GRIN2A: variants seen among roughly 807,000 people sequenced by gnomAD.
GRIN2A encodes glutamate ionotropic receptor NMDA type subunit 2A.
GRIN2A carries 22 observed loss-of-function variants against 113.4 expected under a neutral mutation model. That is an observed-to-expected ratio of 0.19 (90% CI 0.14 to 0.28). GRIN2A has a LOEUF of 0.28. Among genes scored for constraint, GRIN2A ranks in the 10% least tolerant of loss-of-function variants. The pLI is 1.00. For synonymous variants in GRIN2A, 827 were observed against 738.4 expected, an observed-to-expected ratio of 1.12 and a Z score of -1.94; for missense variants, 1,502 against 1,887.0, an observed-to-expected ratio of 0.80 and a Z score of 3.78.
At chr16:9,949,347 A>C (rs554188281) in intron 2 of GRIN2A, among the ~76,000 whole-genome samples, 1 of 151,298 alleles carries the variant, frequency 6.6e-6, no homozygotes, top group South Asian at 2.1e-4. Context: ...ACGGATGAAT[A>C]GATTGGATGG....
At chr16:9,981,592 A>T (rs546470273) in intron 2 of GRIN2A, among the ~76,000 whole-genome samples, 2 of 152,166 alleles carry the variant, frequency 1.3e-5, no homozygotes, top group Non-Finnish European at 2.9e-5. Context: ...TTCAGTATAC[A>T]TCTCTAAAAG....
intron 2 of GRIN2A, among the ~76,000 whole-genome samples, chr16:9,967,820 T>C (rs2045585935): frequency 6.6e-6 from 1 of 151,902 alleles, no homozygotes; most frequent in Non-Finnish European, 1.5e-5. Flanking sequence ...TGCACCAAAA[T>C]CTCAGAAATG....
chr16:9,918,577 A>G (rs1415993245), intron 3 of GRIN2A, among the ~76,000 whole-genome samples: 1 of 152,242 alleles, frequency 6.6e-6, no homozygotes, highest in Non-Finnish European at 1.5e-5. Context: ...GGTTCGAGTC[A>G]TTCAAAAGCG....
intron 4 of GRIN2A, among the ~76,000 whole-genome samples, chr16:9,866,689 T>C (rs1229911600): frequency 6.6e-6 from 1 of 152,224 alleles, no homozygotes; most frequent in Non-Finnish European, 1.5e-5. Flanking sequence ...TTGCAAGTAA[T>C]TGATGTCATT....
Position 10,017,827 on chromosome 16 carries a change from A to G in GRIN2A, c.415-79276T>C, listed in dbSNP as rs559389772. 5.4e-5 allele frequency among the ~76,000 whole-genome samples: 6 copies of G among 111,584 alleles called. No homozygotes were observed. In the South Asian group the frequency reaches 1.8e-3, roughly 34 times the overall value. The allele number at this position is 111,584 out of a possible 152,430, so 73.2% of individuals were successfully genotyped here. ...AATAAAAACCAATGCAAAAAAAATG[A>G]TGCAAAACAAATCAAAATTTAAATA... On this transcript the variant is annotated intron_variant, in intron 2 of 12. Transcript: ENST00000330684.
intron 2 of GRIN2A, among the ~76,000 whole-genome samples, chr16:10,026,769 C>T (rs763689964): frequency 1.3e-5 from 2 of 152,166 alleles, no homozygotes; most frequent in African/African-American, 2.4e-5. Context: ...AGAACCAGGT[C>T]TGCTTTTCTC....
chr16:10,168,681 T>C (rs985447876), intron 2 of GRIN2A, among the ~76,000 whole-genome samples: 1 of 152,202 alleles, frequency 6.6e-6, no homozygotes, highest in African/African-American at 2.4e-5. Flanking sequence ...ATAGTTTCAC[T>C]CTTGGCCAGG....
At chr16:10,134,242 A>T (rs2049140236) in intron 2 of GRIN2A, among the ~76,000 whole-genome samples, 1 of 151,602 alleles carries the variant, frequency 6.6e-6, no homozygotes, top group Admixed American at 6.6e-5. Flanking sequence ...TCAGTTAGGC[A>T]AACATTAGGC....
chr16:10,104,712 T>C (rs571452534), intron 2 of GRIN2A, among the ~76,000 whole-genome samples: 4 of 152,246 alleles, frequency 2.6e-5, no homozygotes, highest in African/African-American at 7.2e-5. Flanking sequence ...GTGCAAAGCA[T>C]ACCGAAAAAT....
chr16:9,861,868 T>C (rs1451062992), intron 4 of GRIN2A, among the ~76,000 whole-genome samples: 1 of 152,212 alleles, frequency 6.6e-6, no homozygotes, highest in Non-Finnish European at 1.5e-5. Context: ...TTTCAGATAT[T>C]GAGGTAAAGT....
chr16:9,768,401 T>G (rs915520756), intron 12 of GRIN2A, among the ~76,000 whole-genome samples: 2 of 152,186 alleles, frequency 1.3e-5, no homozygotes, highest in Non-Finnish European at 2.9e-5. Context: ...ATGGAAAGGT[T>G]TCTAACAAAA....
At chr16:9,989,684 A>T (rs931652248) in intron 2 of GRIN2A, among the ~76,000 whole-genome samples, 3 of 152,190 alleles carry the variant, frequency 2.0e-5, no homozygotes, top group Admixed American at 1.3e-4. Flanking sequence ...AACTTAAATC[A>T]AGAAAAAAAA....
chr16:10,102,794 G>C (rs938893636), intron 2 of GRIN2A, among the ~76,000 whole-genome samples: 22 of 152,150 alleles, frequency 1.4e-4, no homozygotes, highest in African/African-American at 5.3e-4. Context: ...AGACCACAGA[G>C]CTAGCAAGAG....
chr16:10,170,548 G>A (rs1372096262), intron 2 of GRIN2A, among the ~76,000 whole-genome samples: 1 of 152,120 alleles, frequency 6.6e-6, no homozygotes, highest in Non-Finnish European at 1.5e-5. Context: ...TTAGTTTGAT[G>A]GTGACAATCA....
At chr16:10,039,509 C>G (rs1325515707) in intron 2 of GRIN2A, among the ~76,000 whole-genome samples, 1 of 152,088 alleles carries the variant, frequency 6.6e-6, no homozygotes, top group Non-Finnish European at 1.5e-5. Flanking sequence ...TTTGCTGAAG[C>G]TCCTCTCCCT....
At chr16:10,135,567 C>A (rs1040677732) in intron 2 of GRIN2A, among the ~76,000 whole-genome samples, 1 of 152,096 alleles carries the variant, frequency 6.6e-6, no homozygotes, top group Non-Finnish European at 1.5e-5. Context: ...TTCTTGGCAC[C>A]AAAATCTGTA....
chr16:10,180,671 C>G lies in GRIN2A; in HGVS notation c.-18-242G>C. The G allele has an allele frequency of 1.6e-6, 1 of 628,170 alleles. No homozygotes were observed. Among genetic ancestry groups the G allele is most frequent in the Non-Finnish European group, 2.7e-6 (1 of 366,282 alleles). 38.9% of individuals were successfully genotyped at this position (628,170 alleles called of 1,614,324 possible). On this transcript the variant is annotated intron_variant, in intron 1 of 12. Coordinates refer to ENST00000330684, the MANE Select transcript of GRIN2A (RefSeq NM_001134407.3). This position sits in a 1 kb window ranked among gnomAD's most constrained non-coding sequence, Gnocchi z 7.0. ...TCCCCCAGCCCCTTCTCGCATCCAG[C>G]TTCCTCATCCCCTGTCTCCAGGCAC... is the stretch of plus-strand genomic sequence containing the variant.
intron 2 of GRIN2A, among the ~76,000 whole-genome samples, chr16:10,022,783 A>G (rs961336855): frequency 2.0e-5 from 3 of 152,212 alleles, no homozygotes; most frequent in African/African-American, 7.2e-5. Flanking sequence ...TCAATGAACA[A>G]CCACTTAATA....
At chr16:10,177,080 A>G (rs2050163807) in intron 2 of GRIN2A, among the ~76,000 whole-genome samples, 1 of 152,216 alleles carries the variant, frequency 6.6e-6, no homozygotes, top group South Asian at 2.1e-4. Context: ...TACCATTTGC[A>G]AGCGAGGCAA....
Sources: allele counts gnomAD v4.1 joint callset (sites outside exome capture counted in the v4.1 genomes callset), GRCh38; gene constraint gnomAD v4.1.1; non-coding constraint Gnocchi (gnomAD v3.1); transcripts MANE v1.5; gene names NCBI Gene and HGNC (gene_info 2026-07-23, HGNC 2026-07-21).